The following SNTG2 variants were observed in gnomAD, a reference collection of about 807,000 sequenced individuals.
The protein encoded by SNTG2 is gamma-2-syntrophin.
Under a neutral mutation model 70.9 loss-of-function variants are expected in SNTG2, and 74 were observed. The ratio of observed to expected loss-of-function variants is 1.04; its 90% CI spans 0.86 to 1.27. The LOEUF (loss-of-function observed/expected upper bound fraction) is 1.27. Among genes scored for constraint, SNTG2 ranks in the 50% most tolerant of loss-of-function variants. The pLI is 0.00. For missense variants in SNTG2, 717 were observed against 690.7 expected (o/e 1.04, Z -0.43); for synonymous variants, 278 against 273.8 (o/e 1.02, Z -0.15).
intron 1 of SNTG2, among the ~76,000 whole-genome samples, chr2:1,034,158 C>A (rs993592110): frequency 3.3e-5 from 5 of 151,586 alleles, no homozygotes; most frequent in African/African-American, 1.2e-4. Flanking sequence ...CAAGTGGGCC[C>A]AGTGTCTTTG....
At chr2:954,195 C>CA (rs1361885674) in intron 1 of SNTG2, among the ~76,000 whole-genome samples, 1 of 152,010 alleles carries the variant, frequency 6.6e-6, no homozygotes, top group African/African-American at 2.4e-5. Context: ...CAGGCAGGTG[C>CA]TCGTGGAAAT....
chr2:981,928 TCA>T (rs1373272675), intron 1 of SNTG2, among the ~76,000 whole-genome samples: 8 of 151,788 alleles, frequency 5.3e-5, no homozygotes, highest in Admixed American at 3.9e-4. Context: ...AGATGCACAC[TCA>T]CATGCACATG....
chr2:951,980 C>T (rs1391849789), intron 1 of SNTG2, among the ~76,000 whole-genome samples: 1 of 152,208 alleles, frequency 6.6e-6, no homozygotes, highest in Non-Finnish European at 1.5e-5. Context: ...AGGGCTGCTA[C>T]AAATTCCTAT....
At chr2:1,300,854 A>T (rs757370863) in intron 14 of SNTG2, among the ~76,000 whole-genome samples, 6 of 152,152 alleles carry the variant, frequency 3.9e-5, no homozygotes, top group Non-Finnish European at 7.3e-5. Context: ...CTATTGTCCT[A>T]TAAAAAGCTA....
intron 2 of SNTG2, among the ~76,000 whole-genome samples, chr2:1,084,366 G>A (rs532890656): frequency 5.1e-4 from 77 of 152,266 alleles, no homozygotes; most frequent in Admixed American, 3.7e-3. Flanking sequence ...ACCGTAAACC[G>A]TTCTGCTGTT....
At chr2:999,167 T>TA (rs1229314092) in intron 1 of SNTG2, among the ~76,000 whole-genome samples, 9 of 152,082 alleles carry the variant, frequency 5.9e-5, no homozygotes, top group African/African-American at 2.2e-4. Flanking sequence ...AAAATGTTGA[T>TA]ACCATAATAA....
At chr2:1,134,035 C>T (rs941318123) in intron 4 of SNTG2, among the ~76,000 whole-genome samples, 2 of 151,932 alleles carry the variant, frequency 1.3e-5, no homozygotes, top group South Asian at 4.2e-4. Flanking sequence ...AGTGAAGCTG[C>T]AGACCTTTGT....
At chr2:1,156,390 C>T (rs566665747) in intron 6 of SNTG2, among the ~76,000 whole-genome samples, 1 of 152,212 alleles carries the variant, frequency 6.6e-6, no homozygotes, top group South Asian at 2.1e-4. Flanking sequence ...TTTATTTGCA[C>T]AGTGAACTGA....
At chr2:1,189,118 A>G (rs997928038) in intron 8 of SNTG2, among the ~76,000 whole-genome samples, 6 of 152,210 alleles carry the variant, frequency 3.9e-5, no homozygotes, top group African/African-American at 1.4e-4. Context: ...GTGACAGCAT[A>G]TAAGATAACA....
At chr2:1,161,635 C>T (rs1400241692) in intron 6 of SNTG2, 1 of 152,172 alleles carries the variant, frequency 6.6e-6, no homozygotes, top group Non-Finnish European at 1.5e-5. Flanking sequence ...ATATATGCTT[C>T]AAACTAAATA....
In SNTG2 at chr2:1,229,869, G is replaced by A. The variant is rs768664144; in HGVS notation, c.720-8019G>A. Among the ~76,000 whole-genome samples, 455 of 152,330 alleles carry A rather than the reference G, an allele frequency of 3.0e-3. 2 individuals are homozygous for A. Among genetic ancestry groups the A allele is most frequent in the Non-Finnish European group, 5.0e-3 (341 of 68,028 alleles). ...GCTAAGTCCCTTATTGCCCGAGGCCGGCAGGGCCGGCTGCTCCGAGTGCGG... is the reference window on the plus strand; with the variant it reads ...GCTAAGTCCCTTATTGCCCGAGGCCAGCAGGGCCGGCTGCTCCGAGTGCGG... On this transcript the variant is annotated intron_variant, in intron 9 of 16. Transcript: ENST00000308624.
intron 4 of SNTG2, among the ~76,000 whole-genome samples, chr2:1,104,399 A>T (rs1665983547): frequency 6.6e-6 from 1 of 152,140 alleles, no homozygotes; most frequent in Admixed American, 6.6e-5. Context: ...CTGTTCTTTG[A>T]TGCATGGGTT....
In SNTG2 at chr2:951,058, T is replaced by G; in HGVS notation, c.62T>G (p.Val21Gly). 1 of 1,272,266 alleles carries G rather than the reference T, an allele frequency of 7.9e-7. No individual in the cohort carries two copies. Among genetic ancestry groups the G allele is most frequent in the African/African-American group, 1.5e-5 (1 of 64,962 alleles). 78.8% of individuals were successfully genotyped at this position (1,272,266 alleles called of 1,614,324 possible). ...ASRGRQGCLL[V>G]PARTKTTIAL... ...CGCGGACGCCAGGGCTGCCTGCTGGTACCTGCGCGGGTGAGTGCGGCCCCT... is the reference window on the plus strand; with the variant it reads ...CGCGGACGCCAGGGCTGCCTGCTGGGACCTGCGCGGGTGAGTGCGGCCCCT... The change falls in exon 1 of 17, where the codon GTA becomes GGA. Residue 21 changes from valine to glycine, a missense_variant. By Grantham distance (109) the Val-to-Gly change is moderately radical. Coordinates refer to ENST00000308624, the MANE Select transcript of SNTG2 (RefSeq NM_018968.4).
chr2:1,252,163 A>G (rs1023998498), intron 12 of SNTG2, among the ~76,000 whole-genome samples: 2 of 152,202 alleles, frequency 1.3e-5, no homozygotes. Flanking sequence ...ACGAGAAAGA[A>G]GCCACTCATT....
At chr2:958,772 GCTTTCTAGA>G (rs1218781678) in intron 1 of SNTG2, among the ~76,000 whole-genome samples, 3 of 151,832 alleles carry the variant, frequency 2.0e-5, no homozygotes, top group Non-Finnish European at 4.4e-5. Context: ...TTCTATTTTA[GCTTTCTAGA>G]TGTAGTACAG....
intron 8 of SNTG2, among the ~76,000 whole-genome samples, chr2:1,205,086 C>T (rs1204464810): frequency 6.6e-6 from 1 of 151,940 alleles, no homozygotes; most frequent in Non-Finnish European, 1.5e-5. Flanking sequence ...TTATATTTCC[C>T]ATCTTTTCTA....
chr2:1,221,793 G>C (rs1402987105), intron 9 of SNTG2, among the ~76,000 whole-genome samples: 11 of 992 alleles, frequency 0.011, 3 homozygotes, highest in African/African-American at 0.036. Context: ...CTCTGTCTCT[G>C]TCTGTCTCTG....
intron 1 of SNTG2, among the ~76,000 whole-genome samples, chr2:1,045,850 T>A (rs1417715666): frequency 1.3e-5 from 2 of 152,140 alleles, no homozygotes; most frequent in Admixed American, 1.3e-4. Context: ...GTATTTTTCT[T>A]GTTGTGTGAA....
chr2:1,246,951 T>C (rs1359382338), intron 11 of SNTG2, among the ~76,000 whole-genome samples: 2 of 152,170 alleles, frequency 1.3e-5, no homozygotes, highest in Non-Finnish European at 2.9e-5. Flanking sequence ...ACTATAGGAA[T>C]GAAAAATATA....
Sources: gnomAD v4.1 joint callset for allele counts (sites outside exome capture counted in the v4.1 genomes callset) on GRCh38, gnomAD v4.1.1 for gene constraint, MANE v1.5 for transcripts, NCBI Gene and HGNC (gene_info 2026-07-23, HGNC 2026-07-21) for gene names.